The following FANCB variants were observed in gnomAD, a reference collection of about 807,000 sequenced individuals.
FANCB encodes FA complementation group B.
A neutral mutation model predicts 38.9 loss-of-function variants in FANCB; 5 were observed. The observed-to-expected ratio is 0.13, with a 90% CI of 0.07 to 0.27. FANCB has a LOEUF of 0.27. FANCB is among the 10% of genes least tolerant of loss of function. The pLI, the probability that FANCB is intolerant of heterozygous loss-of-function variation, is 1.00. For synonymous variants in FANCB, 236 were observed against 215.4 expected (o/e 1.10, Z -0.84); for missense variants, 573 against 602.7 (o/e 0.95, Z 0.52).
intron 4 of FANCB, 93 bp from the exon 5 acceptor site, chrX:14,858,047 C>G: frequency 1.7e-6 from 1 of 584,476 alleles, no homozygotes; most frequent in Non-Finnish European, 2.8e-6. Context: ...TAAAGTATAT[C>G]CAGTCAGAAC....
downstream of FANCB, among the ~76,000 whole-genome samples, chrX:14,833,592 C>T (rs764955324): frequency 9.0e-6 from 1 of 110,920 alleles, no homozygotes; most frequent in East Asian, 2.8e-4. Flanking sequence ...TGAAGCCCTG[C>T]GCCCTGAAAT....
At chrX:14,764,609 T>A in the FANCB span, among the ~76,000 whole-genome samples, 1 of 111,299 alleles carries the variant, frequency 9.0e-6, no homozygotes, top group African/African-American at 3.3e-5. Flanking sequence ...GAGGATATTA[T>A]ACAAGGGCAT....
chrX:14,780,024 G>C, the FANCB span, among the ~76,000 whole-genome samples: 1 of 110,971 alleles, frequency 9.0e-6, no homozygotes, highest in Non-Finnish European at 1.9e-5. Context: ...CTTAGGTGTT[G>C]ATTACTTTCT....
At chrX:14,729,736 G>A in the FANCB span, among the ~76,000 whole-genome samples, 9 of 111,284 alleles carry the variant, frequency 8.1e-5, no homozygotes, top group South Asian at 3.8e-4. Flanking sequence ...GGGGAATTGC[G>A]CTGTGAATGA....
rs1478296669 is a variant in FANCB at position 14,850,653 on chromosome X, A to C, written c.1348T>G (p.Cys450Gly). Residue 450 changes from cysteine to glycine, a missense_variant, in exon 7 of 10, where the codon TGT becomes GGT. Physicochemically the swap from Cys to Gly is radical, Grantham distance 159. Coordinates refer to ENST00000650831, the MANE Select transcript of FANCB (RefSeq NM_001018113.3). ...AEEKECLVPL[C>G]GEEENSVHIL... ...TGGACAGAATTTTCTTCTTCACCACAAAGAGGAACAAGACATTCCTTCTAA... is the reference window on the plus strand; with the variant it reads ...TGGACAGAATTTTCTTCTTCACCACCAAGAGGAACAAGACATTCCTTCTAA... The C allele has an allele frequency of 8.5e-7, 1 of 1,170,470 alleles. No individual in the cohort carries two copies.
At chrX:14,699,342 C>A in the FANCB span, among the ~76,000 whole-genome samples, 2 of 112,361 alleles carry the variant, frequency 1.8e-5, no homozygotes, top group African/African-American at 6.5e-5. Flanking sequence ...GCCCTGACTT[C>A]TTTTTGTTCA....
At chrX:14,795,666 C>T in the FANCB span, among the ~76,000 whole-genome samples, 1 of 111,990 alleles carries the variant, frequency 8.9e-6, no homozygotes, top group African/African-American at 3.2e-5. Flanking sequence ...ATTATTTTTC[C>T]TGTGAAATTT....
At chrX:14,724,171 T>C in the FANCB span, among the ~76,000 whole-genome samples, 288 of 112,155 alleles carry the variant, frequency 2.6e-3, no homozygotes, top group African/African-American at 8.7e-3. Context: ...TGTGTATATG[T>C]ATAAATATGT....
the FANCB span, among the ~76,000 whole-genome samples, chrX:14,774,351 C>T: frequency 9.0e-6 from 1 of 111,520 alleles, no homozygotes; most frequent in Non-Finnish European, 1.9e-5. Context: ...TGATACACAA[C>T]CAGAAATGCC....
chrX:14,854,800 G>T (rs376384952), intron 5 of FANCB, among the ~76,000 whole-genome samples: 2 of 111,552 alleles, frequency 1.8e-5, no homozygotes, highest in Non-Finnish European at 3.8e-5. Flanking sequence ...CTGCCCAGGG[G>T]CCCTCCACAA....
the FANCB span, among the ~76,000 whole-genome samples, chrX:14,747,486 T>TAA: frequency 8.9e-6 from 1 of 112,623 alleles, no homozygotes; most frequent in Non-Finnish European, 1.9e-5. Context: ...GGGTTGCATT[T>TAA]AAAAAAACTA....
At chrX:14,789,673 T>A in the FANCB span, among the ~76,000 whole-genome samples, 1 of 111,769 alleles carries the variant, frequency 8.9e-6, no homozygotes, top group East Asian at 2.8e-4. Context: ...CCTTCACCTT[T>A]CAGTTTATGA....
the FANCB span, among the ~76,000 whole-genome samples, chrX:14,754,592 T>C: frequency 9.0e-6 from 1 of 111,089 alleles, no homozygotes; most frequent in East Asian, 2.8e-4. Context: ...GTGAATAGGG[T>C]TGATGGGCAA....
chrX:14,783,169 T>G, the FANCB span, among the ~76,000 whole-genome samples: 1 of 112,161 alleles, frequency 8.9e-6, no homozygotes, highest in Non-Finnish European at 1.9e-5. Context: ...AAAAATATTT[T>G]ATCCCTTATA....
At chrX:14,720,152 G>C in the FANCB span, among the ~76,000 whole-genome samples, 10 of 111,138 alleles carry the variant, frequency 9.0e-5, no homozygotes, top group Non-Finnish European at 1.9e-4. Context: ...ATAATTTATT[G>C]TATTTTTTTC....
Position 14,853,615 on chromosome X carries a change from C to T in FANCB, c.1198-448G>A, listed in dbSNP as rs1174871014. ...AGAAAATATCACTTTTAATCAGATA[C>T]TGCTCGAAATTTTCTGTTCATGTAA... On this transcript the variant is annotated intron_variant, in intron 5 of 9. Transcript: ENST00000650831. Among the ~76,000 whole-genome samples, 37 of 112,211 alleles carry T rather than the reference C, an allele frequency of 3.3e-4. No homozygotes were observed. The Admixed American group carries it at 3.5e-3, about 11-fold the overall frequency.
At chrX:14,839,156 T>C (rs914971809), downstream of FANCB, among the ~76,000 whole-genome samples, 2 of 110,789 alleles carry the variant, frequency 1.8e-5, no homozygotes, top group African/African-American at 6.6e-5. Flanking sequence ...TAGGCGGCCA[T>C]AGTGACATGC....
At chrX:14,786,504 C>A in the FANCB span, among the ~76,000 whole-genome samples, 1 of 110,851 alleles carries the variant, frequency 9.0e-6, no homozygotes, top group Non-Finnish European at 1.9e-5. Flanking sequence ...AAGAATGGAA[C>A]CTGACATATG....
the FANCB span, among the ~76,000 whole-genome samples, chrX:14,706,562 G>T: frequency 8.9e-6 from 1 of 111,869 alleles, no homozygotes; most frequent in African/African-American, 3.3e-5. Context: ...ACCCTATGTT[G>T]CTTGTTGTTT....
Sources: allele counts gnomAD v4.1 joint callset (sites outside exome capture counted in the v4.1 genomes callset), GRCh38; gene constraint gnomAD v4.1.1; transcripts MANE v1.5; gene names NCBI Gene and HGNC (gene_info 2026-07-23, HGNC 2026-07-21).